The following CLCN1 variants were observed in gnomAD, a reference collection of about 807,000 sequenced individuals.
CLCN1 encodes the protein chloride voltage-gated channel 1.
In CLCN1, 100 loss-of-function variants were observed where a neutral mutation model predicts 114.5. That is an observed-to-expected ratio of 0.87 (90% confidence interval 0.74 to 1.03). The LOEUF (loss-of-function observed/expected upper bound fraction) is 1.03, where lower values mean the gene tolerates loss of function less well. Among genes scored for constraint, CLCN1 ranks in the 50% least tolerant of loss-of-function variants. CLCN1 has a pLI of 0.00. For missense variants in CLCN1, 1,188 were observed against 1,250.0 expected, an observed-to-expected ratio of 0.95 and a Z score of 0.75; for synonymous variants, 485 against 487.1, an observed-to-expected ratio of 1.00 and a Z score of 0.06.
intron 12 of CLCN1, among the ~76,000 whole-genome samples, chr7:143,333,314 A>G (rs1802781899): frequency 1.3e-5 from 2 of 152,160 alleles, no homozygotes; most frequent in Admixed American, 6.5e-5. Context: ...AAAAAAAAAA[A>G]AAATTATAGA....
chr7:143,323,923 G>T, intron 6 of CLCN1: 1 of 462,350 alleles, frequency 2.2e-6, no homozygotes, highest in Non-Finnish European at 4.4e-6. Context: ...TCCCTATCCC[G>T]GTTGCCTAAG....
chr7:143,321,559 C>A lies in CLCN1; in HGVS notation c.562+66C>A. The A allele has an allele frequency of 6.2e-7, 1 of 1,611,802 alleles. No homozygotes were observed. Among genetic ancestry groups the A allele is most frequent in the Admixed American group, 1.7e-5 (1 of 60,014 alleles). On this transcript the variant is annotated intron_variant, in intron 4 of 22. Transcript: ENST00000343257. The surrounding 1 kb of genome is among the most constrained non-coding windows in gnomAD (Gnocchi z 4.2). ...TGAGAGGGGCCCTGTCTGTCTCCCC[C>A]ATCATCCAGCCCCACCCACAGCCCT... is the stretch of plus-strand genomic sequence containing the variant.
intron 12 of CLCN1, among the ~76,000 whole-genome samples, chr7:143,337,807 C>CTTTTTTTTTT (rs869078445): frequency 2.2e-5 from 1 of 46,078 alleles, no homozygotes; most frequent in African/African-American, 7.8e-5. Flanking sequence ...TTTCTCAATT[C>CTTTTTTTTTT]TTTTTTTTTT....
intron 14 of CLCN1, among the ~76,000 whole-genome samples, chr7:143,340,041 C>T (rs376697691): frequency 1.4e-4 from 21 of 152,302 alleles, no homozygotes; most frequent in African/African-American, 5.1e-4. Flanking sequence ...TGGCTCTAGA[C>T]TTCTCCTGCC....
intron 7 of CLCN1, among the ~76,000 whole-genome samples, chr7:143,325,908 C>T (rs181772105): frequency 1.3e-5 from 2 of 152,272 alleles, no homozygotes; most frequent in African/African-American, 2.4e-5. Context: ...GCTGTTGACA[C>T]AAGAAATTGT....
At position 143,323,317 on chromosome 7, in the gene CLCN1, C is replaced by A. The variant is rs760323048; in HGVS notation, c.705C>A (p.Phe235Leu). 1 of 1,612,178 alleles carries A rather than the reference C, an allele frequency of 6.2e-7. No homozygotes were observed. The highest frequency in any genetic ancestry group is 8.5e-7 in the Non-Finnish European group (1 of 1,178,250). The change falls in exon 6 of 23, where the codon TTC (phenylalanine) becomes TTA (leucine). Residue 235 changes from phenylalanine (F) to leucine (L), a missense_variant. Transcript: ENST00000343257. ...SGIPVGKEGP[F>L]VHIASICAAV... ...CGCTCCCCCTCTCCCAGGGCCCCTTCGTCCACATTGCCAGCATCTGTGCTG... is the reference window on the plus strand; with the variant it reads ...CGCTCCCCCTCTCCCAGGGCCCCTTAGTCCACATTGCCAGCATCTGTGCTG...
At chr7:143,346,050 G>C in intron 17 of CLCN1, 90 bp from the exon 18 acceptor site, 1 of 947,248 alleles carries the variant, frequency 1.1e-6, no homozygotes. Flanking sequence ...AATAGAGTTC[G>C]CTTTCCCAGA....
At chr7:143,329,053 C>T (rs112900635) in intron 7 of CLCN1, among the ~76,000 whole-genome samples, 12 of 151,132 alleles carry the variant, frequency 7.9e-5, no homozygotes, top group African/African-American at 2.2e-4. Context: ...CTGCAACCTG[C>T]GTCTCCCGGG....
rs144612641 is a variant in CLCN1, at chr7:143,346,201, A to G, written c.2234A>G (p.Asn745Ser). ...GCCCCTCTGTCCCCAGAAGAGCCCA[A>G]TGGGCCTCTGCCTGGCCACAAACAG... ...TTAPLSPEEP[N>S]GPLPGHKQQP... The change falls in exon 18 of 23, where the codon AAT (asparagine) becomes AGT (serine). Residue 745 changes from asparagine (N) to serine (S), a missense_variant. By Grantham distance (46) the Asn-to-Ser change is conservative (BLOSUM62 1). Transcript: ENST00000343257. 902 of 1,613,850 alleles carry G rather than the reference A, an allele frequency of 5.6e-4. No homozygotes were observed. Among genetic ancestry groups the G allele is most frequent in the African/African-American group, 6.4e-4 (48 of 74,950 alleles).
chr7:143,320,407 G>A (rs868191879), intron 2 of CLCN1, among the ~76,000 whole-genome samples: 1 of 152,080 alleles, frequency 6.6e-6, no homozygotes, highest in Non-Finnish European at 1.5e-5. Context: ...CTGGGCTTTG[G>A]TGCCTTTTGC....
At chr7:143,327,183 T>C (rs1172467959) in intron 7 of CLCN1, among the ~76,000 whole-genome samples, 1 of 151,432 alleles carries the variant, frequency 6.6e-6, no homozygotes, top group Non-Finnish European at 1.5e-5. Flanking sequence ...GAGGTGGAGG[T>C]TGTAGCAAGC....
rs762908937 is a variant in CLCN1, at chr7:143,321,822, G to A, written c.670G>A (p.Gly224Ser). The part of the protein sequence containing the change: ...AKVVALTAGL[G>S]SGIPVGKEGP... ...GGTTGTCGCCCTGACTGCGGGCCTG[G>A]GCAGTGGCATCCCCGTGGGGAAAGA... Residue 224 changes from glycine to serine, a missense_variant, in exon 5 of 23, where the codon GGC becomes AGC. Transcript: ENST00000343257. The surrounding 1 kb of genome is among the most constrained non-coding windows in gnomAD (Gnocchi z 4.2). The A allele has an allele frequency of 3.1e-6, 5 of 1,614,212 alleles. No individual in the cohort carries two copies. The highest frequency in any genetic ancestry group is 4.2e-6 in the Non-Finnish European group (5 of 1,180,030).
chr7:143,342,888 G>A (rs1448690376), intron 16 of CLCN1, among the ~76,000 whole-genome samples: 1 of 151,816 alleles, frequency 6.6e-6, no homozygotes, highest in Non-Finnish European at 1.5e-5. Flanking sequence ...AGCCGAGAAC[G>A]TGTCATTGCA....
intron 9 of CLCN1, 110 bp from the exon 10 acceptor site, chr7:143,331,441 G>A: frequency 1.8e-6 from 2 of 1,119,698 alleles, no homozygotes; most frequent in Non-Finnish European, 2.7e-6. Flanking sequence ...GGGGGGATGT[G>A]GGCAGATAGG....
intron 11 of CLCN1, 102 bp downstream of exon 11, chr7:143,332,605 C>A: frequency 6.6e-7 from 1 of 1,514,992 alleles, no homozygotes; most frequent in South Asian, 1.1e-5. Flanking sequence ...TTTCTAGATT[C>A]TCCCTGAGAA....
intron 1 of CLCN1, among the ~76,000 whole-genome samples, chr7:143,317,137 G>A (rs1274158145): frequency 6.6e-6 from 1 of 151,820 alleles, no homozygotes; most frequent in Non-Finnish European, 1.5e-5. Context: ...TTGTGAAATT[G>A]TCATGGAAAA....
rs763850382 is a variant in CLCN1, at chr7:143,350,548, C to T, written c.2509-20C>T. The T allele has an allele frequency of 1.2e-5, 19 of 1,611,488 alleles. No individual in the cohort carries two copies. Among genetic ancestry groups the T allele is most frequent in the African/African-American group, 2.7e-5 (2 of 74,840 alleles). Reference sequence around the variant, plus strand: ...CTGTGGGGCAAGGAACATGCACTGACCTGTGCTCTTCATCCTCAGACTCAT... The same window carrying T: ...CTGTGGGGCAAGGAACATGCACTGATCTGTGCTCTTCATCCTCAGACTCAT... On this transcript the variant is annotated intron_variant, in intron 21 of 22. Coordinates refer to ENST00000343257, the MANE Select transcript of CLCN1 (RefSeq NM_000083.3). This position sits in a 1 kb window ranked among gnomAD's most constrained non-coding sequence, Gnocchi z 5.1.
At chr7:143,319,965 C>A in intron 2 of CLCN1, 90 bp downstream of exon 2, 1 of 1,347,822 alleles carries the variant, frequency 7.4e-7, no homozygotes, top group Non-Finnish European at 1.1e-6. Context: ...CACGTACGTA[C>A]TCCCTGCCCT....
chr7:143,316,199 C>CGGGGGGA lies in CLCN1; in HGVS notation c.-10_-4dup, dbSNP rs1554433735. On this transcript the variant is annotated 5_prime_UTR_variant, in exon 1 of 23. Transcript: ENST00000343257. ...AGCAGGCCAAGGCCTGGCCGGGGCTCGGGGGGAGGGAATATGGAGCAATCC... is the reference window on the plus strand; with the variant it reads ...AGCAGGCCAAGGCCTGGCCGGGGCTCGGGGGGAGGGGGGAGGGAATATGGAGCAATCC... 6.2e-7 allele frequency: 1 copy of CGGGGGGA among 1,601,116 alleles called. No homozygotes were observed. The highest frequency in any genetic ancestry group is 1.7e-5 in the Admixed American group (1 of 59,526).
Sources: allele counts gnomAD v4.1 joint callset (sites outside exome capture counted in the v4.1 genomes callset), GRCh38; gene constraint gnomAD v4.1.1; non-coding constraint Gnocchi (gnomAD v3.1); transcripts MANE v1.5; gene names NCBI Gene and HGNC (gene_info 2026-07-23, HGNC 2026-07-21).